Variants in SLCO6A1 observed in about 807,000 individuals in gnomAD.
SLCO6A1 encodes cancer/testis antigen 48.
In SLCO6A1, 65 loss-of-function variants were observed where a neutral mutation model predicts 72.7. That is an observed-to-expected ratio of 0.89 (90% CI 0.73 to 1.10). The LOEUF is 1.10. SLCO6A1 is among the 50% of genes least tolerant of loss of function. SLCO6A1 has a pLI of 0.00. For missense variants in SLCO6A1, 874 were observed against 872.6 expected (o/e 1.00, Z -0.02); for synonymous variants, 314 against 298.2 (o/e 1.05, Z -0.55).
At chr5:102,410,957 G>A (rs1315169751) in intron 9 of SLCO6A1, among the ~76,000 whole-genome samples, 5 of 152,150 alleles carry the variant, frequency 3.3e-5, no homozygotes, top group Non-Finnish European at 1.5e-5. Flanking sequence ...AAAAGGTAGA[G>A]AGTAAACACT....
At chr5:102,469,117 T>G (rs1318130011) in intron 4 of SLCO6A1, among the ~76,000 whole-genome samples, 8 of 152,032 alleles carry the variant, frequency 5.3e-5, no homozygotes, top group African/African-American at 7.2e-5. Context: ...TTGTTCTTTT[T>G]GCTTAGGATT....
intron 6 of SLCO6A1, among the ~76,000 whole-genome samples, chr5:102,457,256 T>C (rs1218364484): frequency 6.9e-6 from 1 of 145,450 alleles, no homozygotes; most frequent in Non-Finnish European, 1.5e-5. Flanking sequence ...ACAAATGGGA[T>C]CTAATTAAAC....
At chr5:102,442,913 T>G (rs1749920264) in intron 6 of SLCO6A1, among the ~76,000 whole-genome samples, 1 of 151,622 alleles carries the variant, frequency 6.6e-6, no homozygotes, top group African/African-American at 2.4e-5. Flanking sequence ...AATACAAAAA[T>G]TAGGCTGGGT....
intron 1 of SLCO6A1, among the ~76,000 whole-genome samples, chr5:102,489,570 C>A (rs975675106): frequency 1.3e-5 from 2 of 151,886 alleles, no homozygotes; most frequent in Admixed American, 1.3e-4. Flanking sequence ...TATCCAGTTA[C>A]AATGGCTGTT....
At chr5:102,447,166 T>A (rs1396412298) in intron 6 of SLCO6A1, among the ~76,000 whole-genome samples, 1 of 152,244 alleles carries the variant, frequency 6.6e-6, no homozygotes, top group East Asian at 1.9e-4. Flanking sequence ...TGAATCACAT[T>A]TAGTGATTTG....
chr5:102,401,199 C>G (rs1024083826), intron 9 of SLCO6A1, among the ~76,000 whole-genome samples: 3 of 151,682 alleles, frequency 2.0e-5, no homozygotes, highest in Non-Finnish European at 4.4e-5. Flanking sequence ...AAAAAAGGAA[C>G]AGTAATTGAA....
chr5:102,458,909 T>C (rs943196177), intron 5 of SLCO6A1, among the ~76,000 whole-genome samples: 3 of 152,194 alleles, frequency 2.0e-5, no homozygotes, highest in East Asian at 1.9e-4. Flanking sequence ...GGAGAGTTAT[T>C]TGATTTCTTT....
intron 1 of SLCO6A1, among the ~76,000 whole-genome samples, chr5:102,486,786 C>G (rs1752460026): frequency 6.6e-6 from 1 of 151,948 alleles, no homozygotes; most frequent in African/African-American, 2.4e-5. Context: ...GATTCTCTAC[C>G]CAAAAATTCG....
chr5:102,443,119 C>A (rs1178217110), intron 6 of SLCO6A1, among the ~76,000 whole-genome samples: 1 of 152,086 alleles, frequency 6.6e-6, no homozygotes, highest in Non-Finnish European at 1.5e-5. Context: ...ATGGCGTGAA[C>A]CTGGAAGGCG....
chr5:102,457,923 T>C (rs1322835167), intron 6 of SLCO6A1, among the ~76,000 whole-genome samples: 1 of 152,080 alleles, frequency 6.6e-6, no homozygotes, highest in East Asian at 1.9e-4. Context: ...TATGCAGCCA[T>C]AAAAATGATG....
chr5:102,487,868 T>TACC, intron 1 of SLCO6A1, among the ~76,000 whole-genome samples: 1 of 152,256 alleles, frequency 6.6e-6, no homozygotes, highest in Admixed American at 6.5e-5. Flanking sequence ...TTACTCTATG[T>TACC]CAAAGTAAGA....
chr5:102,431,104 G>A (rs1399415564), intron 7 of SLCO6A1, among the ~76,000 whole-genome samples: 1 of 152,066 alleles, frequency 6.6e-6, no homozygotes, highest in Non-Finnish European at 1.5e-5. Flanking sequence ...AGTAGTCTCT[G>A]ATTGTTATTT....
At chr5:102,407,526 T>A (rs1221084079) in intron 9 of SLCO6A1, among the ~76,000 whole-genome samples, 2 of 152,204 alleles carry the variant, frequency 1.3e-5, no homozygotes, top group Non-Finnish European at 2.9e-5. Flanking sequence ...TTGGAGCTCA[T>A]CTGCCTGCAT....
chr5:102,473,896 A>C (rs530102348), intron 4 of SLCO6A1, among the ~76,000 whole-genome samples: 1 of 152,090 alleles, frequency 6.6e-6, no homozygotes, highest in Non-Finnish European at 1.5e-5. Context: ...ATAAAACATT[A>C]TTGAAAAAAA....
intron 7 of SLCO6A1, among the ~76,000 whole-genome samples, chr5:102,437,125 A>C (rs188490689): frequency 1.4e-4 from 22 of 152,272 alleles, no homozygotes; most frequent in Admixed American, 2.6e-4. Context: ...GAGTAATACA[A>C]TTAGAAACTA....
intron 1 of SLCO6A1, among the ~76,000 whole-genome samples, chr5:102,485,647 T>G (rs980101854): frequency 6.6e-6 from 1 of 152,248 alleles, no homozygotes; most frequent in South Asian, 2.1e-4. Flanking sequence ...AGCATGTCCA[T>G]GTGATTCCAC....
chr5:102,387,345 T>C (rs1321131218), intron 12 of SLCO6A1, among the ~76,000 whole-genome samples: 1 of 152,210 alleles, frequency 6.6e-6, no homozygotes, highest in Non-Finnish European at 1.5e-5. Flanking sequence ...TATTCGTATC[T>C]CCTTTCAATA....
intron 7 of SLCO6A1, among the ~76,000 whole-genome samples, chr5:102,421,417 A>G (rs1227680650): frequency 6.6e-6 from 1 of 152,116 alleles, no homozygotes; most frequent in Non-Finnish European, 1.5e-5. Flanking sequence ...TCAACCTAAG[A>G]TGCTCGAGCT....
rs1440044434 is a variant in SLCO6A1 at position 102,480,211 on chromosome 5, A to G, written c.582T>C (p.Asn194=). The change falls in exon 2 of 14, where the codon AAT becomes AAC. Residue 194 remains asparagine, a synonymous_variant. Coordinates refer to ENST00000506729, the MANE Select transcript of SLCO6A1 (RefSeq NM_173488.5). ...GSLLCAFPSI[N]EENKQSKVGI... is the part of the protein sequence containing the mutation. ...CTACCTTACTTTGTTTATTTTCTTC[A>G]TTAATGGATGGAAAAGCACATAAAA... 6.2e-7 allele frequency: 1 copy of G among 1,611,208 alleles called. No homozygotes were observed.
Sources: allele counts gnomAD v4.1 joint callset (sites outside exome capture counted in the v4.1 genomes callset), GRCh38; gene constraint gnomAD v4.1.1; transcripts MANE v1.5; gene names NCBI Gene and HGNC (gene_info 2026-07-23, HGNC 2026-07-21).